Variants in FUT9 observed in about 807,000 individuals in gnomAD.
The protein encoded by FUT9 is 4-galactosyl-N-acetylglucosaminide 3-alpha-L-fucosyltransferase 9.
Under a neutral mutation model 29.7 loss-of-function variants are expected in FUT9, and 15 were observed. The ratio of observed to expected loss-of-function variants is 0.51; its 90% CI spans 0.34 to 0.78. The LOEUF (loss-of-function observed/expected upper bound fraction) is 0.78, where lower values mean the gene tolerates loss of function less well. Ranked by LOEUF, FUT9 falls within the 30% of genes least tolerant of loss-of-function variation. The probability of loss-of-function intolerance (pLI) is 0.01; values close to 1 mark genes in which losing one functional copy is unlikely to be tolerated. For synonymous variants in FUT9, 169 were observed against 153.7 expected, an observed-to-expected ratio of 1.10 and a Z score of -0.74; for missense variants, 319 against 425.4, an observed-to-expected ratio of 0.75 and a Z score of 2.20.
rs189111768 is a variant in FUT9 at position 96,035,847 on chromosome 6, T to C, written c.-98+19635T>C. Among the ~76,000 whole-genome samples the C allele has an allele frequency of 6.1e-3, 772 of 126,812 alleles. 8 individuals carry two copies. The highest frequency in any genetic ancestry group is 0.02 in the Middle Eastern group (2 of 100). The allele number at this position is 126,812 out of a possible 152,430, so 83.2% of individuals were successfully genotyped here. On this transcript the variant is annotated intron_variant, in intron 1 of 2. Coordinates refer to ENST00000302103, the MANE Select transcript of FUT9 (RefSeq NM_006581.4). ...TTATATGTATTATATTAATATAATA[T>C]ATTATGTTTATTATATTAATATAAT...
intron 1 of FUT9, among the ~76,000 whole-genome samples, chr6:96,058,332 T>C (rs1250429916): frequency 6.6e-6 from 1 of 152,024 alleles, no homozygotes. Context: ...TTTTTTAAGC[T>C]TGAATTTTTT....
intron 2 of FUT9, among the ~76,000 whole-genome samples, chr6:96,149,080 C>T (rs1164609198): frequency 1.3e-5 from 2 of 151,672 alleles, no homozygotes; most frequent in South Asian, 2.1e-4. Flanking sequence ...TGCTTGAACT[C>T]GGGAAGTGGA....
intron 2 of FUT9, among the ~76,000 whole-genome samples, chr6:96,197,563 T>C (rs1294886667): frequency 1.3e-5 from 2 of 152,212 alleles, no homozygotes; most frequent in East Asian, 3.8e-4. Context: ...TCTGTTCAAA[T>C]GGTCTATGTA....
At chr6:96,020,732 C>T (rs950582738) in intron 1 of FUT9, 3 of 152,046 alleles carry the variant, frequency 2.0e-5, no homozygotes, top group Non-Finnish European at 2.9e-5. Flanking sequence ...ATTATCTAAA[C>T]GTGCTTGGAC....
Position 96,130,027 on chromosome 6 carries a change from C to T in FUT9, c.-9+15900C>T, listed in dbSNP as rs142840104. On this transcript the variant is annotated intron_variant, in intron 2 of 2. Coordinates refer to ENST00000302103, the MANE Select transcript of FUT9 (RefSeq NM_006581.4). ...GAATCAAAATTTTATATAAATTACA[C>T]GTCAGTTGGAAACAAATAATCAGAA... is the stretch of plus-strand genomic sequence containing the variant. Among the ~76,000 whole-genome samples, 473 of 152,016 alleles carry T rather than the reference C, an allele frequency of 3.1e-3. 1 individual carries two copies. Among genetic ancestry groups the T allele is most frequent in the African/African-American group, 0.011 (443 of 41,472 alleles).
chr6:96,138,440 A>G lies in FUT9; in HGVS notation c.-9+24313A>G, dbSNP rs569689353. Among the ~76,000 whole-genome samples the G allele has an allele frequency of 2.0e-5, 3 of 151,724 alleles. No homozygotes were observed. The South Asian group carries it at 6.3e-4, about 32-fold the overall frequency. On this transcript the variant is annotated intron_variant, in intron 2 of 2. Transcript: ENST00000302103. ...CTTTCCAAAAAAGGATATGTGCAGG[A>G]ATATTCTTGAATAAAAGAGCACAAG...
At chr6:96,081,926 G>T (rs912019093) in intron 1 of FUT9, among the ~76,000 whole-genome samples, 3 of 151,746 alleles carry the variant, frequency 2.0e-5, no homozygotes, top group African/African-American at 7.2e-5. Context: ...TGCTAATGCA[G>T]TTGAGCAATT....
intron 1 of FUT9, among the ~76,000 whole-genome samples, chr6:96,086,286 A>G (rs1179857478): frequency 6.6e-6 from 1 of 152,136 alleles, no homozygotes; most frequent in Non-Finnish European, 1.5e-5. Context: ...TTATATCCAC[A>G]TATTTGCTAG....
At chr6:96,123,585 A>G (rs899122038) in intron 2 of FUT9, among the ~76,000 whole-genome samples, 4 of 152,188 alleles carry the variant, frequency 2.6e-5, no homozygotes, top group African/African-American at 9.7e-5. Flanking sequence ...AGTTAGGGTT[A>G]TAACTATTTG....
intron 1 of FUT9, among the ~76,000 whole-genome samples, chr6:96,088,614 A>T (rs1562120855): frequency 6.6e-6 from 1 of 151,658 alleles, no homozygotes; most frequent in African/African-American, 2.4e-5. Context: ...TTGTATTATC[A>T]TCAGTTTCAC....
chr6:96,155,339 A>T (rs573290273), intron 2 of FUT9, among the ~76,000 whole-genome samples: 2 of 152,170 alleles, frequency 1.3e-5, no homozygotes, highest in Non-Finnish European at 2.9e-5. Context: ...TTCATGTCGA[A>T]GTCCCAATCT....
At chr6:96,144,129 T>G (rs1006530775) in intron 2 of FUT9, among the ~76,000 whole-genome samples, 13 of 152,350 alleles carry the variant, frequency 8.5e-5, no homozygotes, top group South Asian at 4.1e-4. Context: ...CTGCACACAC[T>G]CATATACGTA....
intron 1 of FUT9, among the ~76,000 whole-genome samples, chr6:96,029,149 A>G (rs1770217767): frequency 6.6e-6 from 1 of 151,642 alleles, no homozygotes; most frequent in Non-Finnish European, 1.5e-5. Context: ...AGAGAATAGA[A>G]TAGGACCTGG....
intron 2 of FUT9, among the ~76,000 whole-genome samples, chr6:96,154,354 T>C (rs1210607195): frequency 6.6e-6 from 1 of 152,240 alleles, no homozygotes; most frequent in Non-Finnish European, 1.5e-5. Context: ...ATTTTATTTT[T>C]AAAAATTATG....
chr6:96,123,456 T>C (rs951530629), intron 2 of FUT9, among the ~76,000 whole-genome samples: 27 of 151,874 alleles, frequency 1.8e-4, no homozygotes, highest in African/African-American at 6.1e-4. Flanking sequence ...TCCAGAGGCG[T>C]AAGTGTATTG....
intron 2 of FUT9, among the ~76,000 whole-genome samples, chr6:96,154,345 T>C (rs976152379): frequency 1.3e-5 from 2 of 152,222 alleles, no homozygotes; most frequent in African/African-American, 4.8e-5. Flanking sequence ...TCTGGTCTAA[T>C]TTTATTTTTA....
intron 2 of FUT9, among the ~76,000 whole-genome samples, chr6:96,175,849 G>A (rs761236357): frequency 1.3e-5 from 2 of 152,294 alleles, no homozygotes; most frequent in East Asian, 1.9e-4. Flanking sequence ...GTAAAGCATT[G>A]TTTCTGGGGA....
At chr6:96,058,139 C>T (rs879905899) in intron 1 of FUT9, among the ~76,000 whole-genome samples, 25 of 152,012 alleles carry the variant, frequency 1.6e-4, no homozygotes, top group Non-Finnish European at 2.9e-5. Context: ...ACACAAGGCA[C>T]TTTGCGTTGG....
intron 1 of FUT9, among the ~76,000 whole-genome samples, chr6:96,076,526 T>C (rs1771144761): frequency 6.6e-6 from 1 of 152,328 alleles, no homozygotes; most frequent in Admixed American, 6.5e-5. Context: ...CATTTCGCCA[T>C]GTGAGATAAA....
Sources: allele counts gnomAD v4.1 joint callset (sites outside exome capture counted in the v4.1 genomes callset), GRCh38; gene constraint gnomAD v4.1.1; transcripts MANE v1.5; gene names NCBI Gene and HGNC (gene_info 2026-07-23, HGNC 2026-07-21).